The following FBXL20 variants were observed in gnomAD, a reference collection of about 807,000 sequenced individuals.
The protein encoded by FBXL20 is F-box and leucine rich repeat protein 20, also known as F-box/LRR-repeat protein 20.
In FBXL20, 11 loss-of-function variants were observed where a neutral mutation model predicts 64.0. That is an observed-to-expected ratio of 0.17 (90% CI 0.11 to 0.28). The LOEUF (loss-of-function observed/expected upper bound fraction) is 0.28. Ranked by LOEUF, FBXL20 falls within the 10% of genes least tolerant of loss-of-function variation. The probability of loss-of-function intolerance (pLI) is 1.00; values close to 1 mark genes in which losing one functional copy is unlikely to be tolerated. For synonymous variants in FBXL20, 184 were observed against 189.0 expected (o/e 0.97, Z 0.22); for missense variants, 303 against 526.2 (o/e 0.58, Z 4.15).
chr17:39,384,397 C>A (rs182921357), intron 1 of FBXL20, among the ~76,000 whole-genome samples: 1 of 151,112 alleles, frequency 6.6e-6, no homozygotes, highest in Non-Finnish European at 1.5e-5. Flanking sequence ...TGGTGGTGCG[C>A]GCCTGTAGTC....
At position 39,359,448 on chromosome 17, in the gene FBXL20, C is replaced by A. The variant is rs551219393; in HGVS notation, c.43-16207G>T. ...GACCAGCCTGGCCAACATGGTGAAA[C>A]CCTGTCTCTACTAAAAATACAAAAA... On this transcript the variant is annotated intron_variant, in intron 1 of 14. Coordinates refer to ENST00000264658, the MANE Select transcript of FBXL20 (RefSeq NM_032875.3). Among the ~76,000 whole-genome samples the A allele has an allele frequency of 1.4e-4, 21 of 152,218 alleles. No individual in the cohort carries two copies. The South Asian group carries it at 4.1e-3, about 30-fold the overall frequency.
intron 2 of FBXL20, among the ~76,000 whole-genome samples, chr17:39,308,488 G>A (rs2047203003): frequency 6.6e-6 from 1 of 151,046 alleles, no homozygotes; most frequent in Non-Finnish European, 1.5e-5. Flanking sequence ...GAGCCAGACT[G>A]TCTCTTAAAA....
chr17:39,291,431 C>CTTTTT (rs907454529), intron 6 of FBXL20, among the ~76,000 whole-genome samples: 150 of 110,428 alleles, frequency 1.4e-3, no homozygotes, highest in Non-Finnish European at 1.7e-3. Context: ...TAAAACTTTT[C>CTTTTT]TTTTTTTTTT....
chr17:39,350,154 CAA>C (rs1242444626), intron 1 of FBXL20, among the ~76,000 whole-genome samples: 2 of 151,876 alleles, frequency 1.3e-5, no homozygotes, highest in African/African-American at 4.8e-5. Flanking sequence ...TGGAAAATAA[CAA>C]AAAAACACAT....
At chr17:39,383,240 C>A (rs2048044281) in intron 1 of FBXL20, among the ~76,000 whole-genome samples, 1 of 149,854 alleles carries the variant, frequency 6.7e-6, no homozygotes, top group Admixed American at 6.7e-5. Flanking sequence ...ATATATCCAA[C>A]AGACCTCTAA....
chr17:39,298,743 TA>T (rs978775099), intron 5 of FBXL20, among the ~76,000 whole-genome samples: 3 of 151,944 alleles, frequency 2.0e-5, no homozygotes, highest in Non-Finnish European at 2.9e-5. Context: ...TTAATTAATT[TA>T]AAAAAAACTT....
chr17:39,365,821 G>A (rs959015894), intron 1 of FBXL20, among the ~76,000 whole-genome samples: 1 of 152,042 alleles, frequency 6.6e-6, no homozygotes, highest in Non-Finnish European at 1.5e-5. Flanking sequence ...ATGCCCTACT[G>A]AAAACTTCTT....
At position 39,260,607 on chromosome 17, in the gene FBXL20, AT is replaced by A. The variant is rs1203053703; in HGVS notation, c.*852del. ...AATGGTAAAATTTAGAATTAAAAAA[AT>A]ATTTATTGATAATATCTTTTTAAAA... is the stretch of plus-strand genomic sequence containing the variant. On this transcript the variant is annotated 3_prime_UTR_variant, in exon 15 of 15. Coordinates refer to ENST00000264658, the MANE Select transcript of FBXL20 (RefSeq NM_032875.3). 4 of 152,502 alleles carry A rather than the reference AT, an allele frequency of 2.6e-5. No homozygotes were observed. The highest frequency in any genetic ancestry group is 7.2e-5 in the African/African-American group (3 of 41,590). 9.4% of individuals were successfully genotyped at this position (152,502 alleles called of 1,614,324 possible). A position where few individuals can be genotyped will look rare whatever the true frequency, so the allele number is the denominator to read the frequency against.
intron 6 of FBXL20, 102 bp downstream of exon 6, chr17:39,297,025 C>T: frequency 4.7e-6 from 3 of 642,374 alleles, no homozygotes; most frequent in Admixed American, 3.1e-5. Context: ...TCTACAAAAC[C>T]AAGATAAAAT....
intron 1 of FBXL20, among the ~76,000 whole-genome samples, chr17:39,377,991 G>T (rs73983289): frequency 6.6e-6 from 1 of 152,048 alleles, no homozygotes; most frequent in African/African-American, 2.4e-5. Flanking sequence ...TAGCCTGGGC[G>T]ACAGAGCAAG....
intron 2 of FBXL20, among the ~76,000 whole-genome samples, chr17:39,316,680 A>G (rs921387021): frequency 1.3e-5 from 2 of 152,356 alleles, no homozygotes; most frequent in East Asian, 1.9e-4. Context: ...AAATTAATAA[A>G]CTGAAGTTTA....
intron 1 of FBXL20, among the ~76,000 whole-genome samples, chr17:39,379,427 C>T (rs1315801816): frequency 7.0e-6 from 1 of 141,972 alleles, no homozygotes; most frequent in Non-Finnish European, 1.5e-5. Flanking sequence ...CGCCTCAGTT[C>T]GAGAGGCCAG....
chr17:39,318,182 G>A (rs1446365753), intron 2 of FBXL20, among the ~76,000 whole-genome samples: 3 of 152,122 alleles, frequency 2.0e-5, no homozygotes, highest in East Asian at 3.8e-4. Flanking sequence ...ATACCATGTT[G>A]TCTACTTTTG....
intron 1 of FBXL20, among the ~76,000 whole-genome samples, chr17:39,400,923 A>G (rs1017720565): frequency 6.6e-6 from 1 of 152,212 alleles, no homozygotes; most frequent in Non-Finnish European, 1.5e-5. Context: ...CCAAGGTCTC[A>G]AACTCGGAGA....
chr17:39,280,181 AGCCGAGATCGT>A (rs1003567592), intron 9 of FBXL20, among the ~76,000 whole-genome samples: 6 of 149,914 alleles, frequency 4.0e-5, no homozygotes, highest in Non-Finnish European at 8.9e-5. Context: ...GGTTGCAGTG[AGCCGAGATCGT>A]GCCTCTGCAC....
At chr17:39,393,356 T>G (rs535261109) in intron 1 of FBXL20, among the ~76,000 whole-genome samples, 1 of 152,084 alleles carries the variant, frequency 6.6e-6, no homozygotes, top group Non-Finnish European at 1.5e-5. Context: ...TTCCCCAGTT[T>G]TCACTTTGAA....
intron 6 of FBXL20, among the ~76,000 whole-genome samples, chr17:39,290,469 T>C (rs1216265148): frequency 2.0e-5 from 3 of 152,198 alleles, no homozygotes; most frequent in Admixed American, 1.3e-4. Flanking sequence ...TAGGGAATCT[T>C]TGATCTCAGG....
At chr17:39,314,719 T>C (rs1230491976) in intron 2 of FBXL20, among the ~76,000 whole-genome samples, 1 of 151,818 alleles carries the variant, frequency 6.6e-6, no homozygotes, top group Non-Finnish European at 1.5e-5. Context: ...TGTTCCACAG[T>C]GGCTGTACCA....
At chr17:39,349,502 A>G (rs1270839040) in intron 1 of FBXL20, among the ~76,000 whole-genome samples, 1 of 151,710 alleles carries the variant, frequency 6.6e-6, no homozygotes, top group Non-Finnish European at 1.5e-5. Flanking sequence ...GCAGGAGGAT[A>G]GCTTGAGCCC....
Sources: allele counts gnomAD v4.1 joint callset (sites outside exome capture counted in the v4.1 genomes callset), GRCh38; gene constraint gnomAD v4.1.1; transcripts MANE v1.5; gene names NCBI Gene and HGNC (gene_info 2026-07-23, HGNC 2026-07-21).